The following DTL variants were observed in gnomAD, a reference collection of about 807,000 sequenced individuals.
DTL encodes denticleless E3 ubiquitin protein ligase adapter, also known as denticleless protein homolog.
In DTL, 46 loss-of-function variants were observed where a neutral mutation model predicts 87.0. The ratio of observed to expected loss-of-function variants is 0.53; its 90% confidence interval spans 0.42 to 0.68. The LOEUF (loss-of-function observed/expected upper bound fraction) is 0.68. Among genes scored for constraint, DTL ranks in the 30% least tolerant of loss-of-function variants. The pLI is 0.00. For missense variants in DTL, 737 were observed against 869.4 expected (o/e 0.85, Z 1.91); for synonymous variants, 308 against 311.2 (o/e 0.99, Z 0.11).
chr1:212,037,834 C>G (rs181215426), intron 1 of DTL, among the ~76,000 whole-genome samples: 2 of 152,306 alleles, frequency 1.3e-5, no homozygotes, highest in East Asian at 3.9e-4. Flanking sequence ...CCACCCAGGT[C>G]AAAAACAATC....
intron 14 of DTL, among the ~76,000 whole-genome samples, chr1:212,102,364 A>C (rs771547450): frequency 6.6e-6 from 1 of 152,210 alleles, no homozygotes; most frequent in Non-Finnish European, 1.5e-5. Flanking sequence ...TCACTGATAC[A>C]TAAATCTTAA....
At chr1:212,100,129 A>G (rs1481745090) in intron 13 of DTL, 123 bp from the exon 14 acceptor site, 1 of 659,984 alleles carries the variant, frequency 1.5e-6, no homozygotes, top group Non-Finnish European at 2.6e-6. Context: ...CAAGTGATGT[A>G]TACCTACTTA....
intron 13 of DTL, among the ~76,000 whole-genome samples, chr1:212,087,663 C>G (rs1385553274): frequency 6.6e-6 from 1 of 152,164 alleles, no homozygotes; most frequent in Non-Finnish European, 1.5e-5. Context: ...CTGAAGAGCA[C>G]TACGAAGCAA....
At chr1:212,050,074 G>A (rs1285675276) in intron 5 of DTL, among the ~76,000 whole-genome samples, 5 of 152,026 alleles carry the variant, frequency 3.3e-5, no homozygotes, top group African/African-American at 1.2e-4. Flanking sequence ...GGGAGGCTGA[G>A]GTGGGAGGAT....
In DTL at chr1:212,082,097, A is replaced by G. The variant is rs560182020; in HGVS notation, c.1261+1347A>G. Among the ~76,000 whole-genome samples, 3 of 152,360 alleles carry G rather than the reference A, an allele frequency of 2.0e-5. No individual in the cohort carries two copies. The East Asian group carries it at 5.8e-4, about 29-fold the overall frequency. On this transcript the variant is annotated intron_variant, in intron 13 of 14. Coordinates refer to ENST00000366991, the MANE Select transcript of DTL (RefSeq NM_016448.4). ...CTGAGCAGCCACAACCAGAGAAGTAAGAGAAAAACTGGGAGAGTGTTACAT... is the reference window on the plus strand; with the variant it reads ...CTGAGCAGCCACAACCAGAGAAGTAGGAGAAAAACTGGGAGAGTGTTACAT...
At chr1:212,086,529 A>G (rs1655135253) in intron 13 of DTL, among the ~76,000 whole-genome samples, 2 of 152,136 alleles carry the variant, frequency 1.3e-5, no homozygotes, top group African/African-American at 2.4e-5. Context: ...AGCTGGGACT[A>G]CAGGCATGCA....
At chr1:212,044,822 T>C in intron 3 of DTL, 64 bp downstream of exon 3, 2 of 950,640 alleles carry the variant, frequency 2.1e-6, no homozygotes, top group Non-Finnish European at 3.4e-6. Flanking sequence ...TCAAGTATAT[T>C]ATTATTTGAA....
At chr1:212,036,485 G>A (rs1667467258) in intron 1 of DTL, among the ~76,000 whole-genome samples, 1 of 152,232 alleles carries the variant, frequency 6.6e-6, no homozygotes, top group South Asian at 2.1e-4. Context: ...AAATTATAGA[G>A]TGAAAGATGC....
intron 1 of DTL, among the ~76,000 whole-genome samples, chr1:212,042,516 CAG>C (rs1488929738): frequency 2.0e-5 from 3 of 152,212 alleles, no homozygotes; most frequent in Non-Finnish European, 2.9e-5. Context: ...TAAAGGAAAA[CAG>C]AAGTAAATTT....
At position 212,088,768 on chromosome 1, in the gene DTL, G is replaced by A. The variant is rs558416759; in HGVS notation, c.1261+8018G>A. On this transcript the variant is annotated intron_variant, in intron 13 of 14. Coordinates refer to ENST00000366991, the MANE Select transcript of DTL (RefSeq NM_016448.4). ...GTACATGATAAGACTGAAAAGGCAG[G>A]CTGAGGCCAGATGGCAAACTCATAT... Among the ~76,000 whole-genome samples, 15 of 152,324 alleles carry A rather than the reference G, an allele frequency of 9.8e-5. No individual in the cohort carries two copies. The South Asian group carries it at 3.1e-3, about 32-fold the overall frequency.
chr1:212,099,220 T>TTTTGTTTG lies in DTL; in HGVS notation c.1262-1008_1262-1001dup, dbSNP rs138191220. Among the ~76,000 whole-genome samples the TTTTGTTTG allele has an allele frequency of 9.1e-3, 1,382 of 151,370 alleles. 12 individuals are homozygous for TTTTGTTTG. Among genetic ancestry groups the TTTTGTTTG allele is most frequent in the African/African-American group, 0.02 (824 of 41,196 alleles). On this transcript the variant is annotated intron_variant, in intron 13 of 14. Coordinates refer to ENST00000366991, the MANE Select transcript of DTL (RefSeq NM_016448.4). Reference sequence around the variant, plus strand: ...TGGACTTTACCCCTCTCACACTGTTTTTTGTTTGTTTGTTTGTTTGTTTGT... The same window carrying TTTTGTTTG: ...TGGACTTTACCCCTCTCACACTGTTTTTTGTTTGTTTGTTTGTTTGTTTGTTTGTTTGT...
intron 1 of DTL, among the ~76,000 whole-genome samples, chr1:212,040,909 G>A (rs1667619615): frequency 6.6e-6 from 1 of 152,120 alleles, no homozygotes; most frequent in African/African-American, 2.4e-5. Flanking sequence ...CAGTTTAATA[G>A]TTTCAGACCG....
chr1:212,098,531 TG>T (rs1183327025), intron 13 of DTL, among the ~76,000 whole-genome samples: 1 of 151,904 alleles, frequency 6.6e-6, no homozygotes, highest in Non-Finnish European at 1.5e-5. Context: ...GACCATCTGG[TG>T]GGGGCAGGGA....
chr1:212,101,147 C>A, intron 14 of DTL, 63 bp downstream of exon 14: 13 of 1,088,184 alleles, frequency 1.2e-5, no homozygotes, highest in Non-Finnish European at 1.5e-5. Context: ...ACCCAGATGT[C>A]TCAAGTCAGG....
At chr1:212,063,293 A>T (rs918733904) in intron 6 of DTL, among the ~76,000 whole-genome samples, 18 of 148,190 alleles carry the variant, frequency 1.2e-4, no homozygotes, top group African/African-American at 3.8e-4. Context: ...TTTTATTATT[A>T]TTATTTTTTT....
intron 5 of DTL, chr1:212,051,956 C>G: frequency 1.1e-6 from 1 of 927,920 alleles, no homozygotes; most frequent in Non-Finnish European, 1.7e-6. Flanking sequence ...TTCTAAAAGG[C>G]CTAGAGAACA....
At chr1:212,046,640 A>G (rs1658671972) in intron 3 of DTL, among the ~76,000 whole-genome samples, 1 of 152,204 alleles carries the variant, frequency 6.6e-6, no homozygotes, top group Non-Finnish European at 1.5e-5. Context: ...TTATGGCTGC[A>G]TTGTATTCCA....
chr1:212,092,896 T>G (rs1655327737), intron 13 of DTL, among the ~76,000 whole-genome samples: 1 of 152,162 alleles, frequency 6.6e-6, no homozygotes, highest in Non-Finnish European at 1.5e-5. Flanking sequence ...AGTGTAAAAG[T>G]GTTCCCTTTC....
intron 1 of DTL, among the ~76,000 whole-genome samples, chr1:212,041,770 G>A (rs923323589): frequency 8.5e-5 from 13 of 152,070 alleles, no homozygotes; most frequent in Non-Finnish European, 1.3e-4. Context: ...TCTGCCTCCC[G>A]AAGTGCTGGG....
Sources: gnomAD v4.1 joint callset for allele counts (sites outside exome capture counted in the v4.1 genomes callset) on GRCh38, gnomAD v4.1.1 for gene constraint, MANE v1.5 for transcripts, NCBI Gene and HGNC (gene_info 2026-07-23, HGNC 2026-07-21) for gene names.